The following MSMB variants were observed in gnomAD, a reference collection of about 807,000 sequenced individuals.
MSMB encodes the protein beta-microseminoprotein.
MSMB carries 10 observed loss-of-function variants against 10.5 expected under a neutral mutation model. That is an observed-to-expected ratio of 0.95 (90% CI 0.59 to 1.62). The LOEUF is 1.62. Ranked by LOEUF, MSMB falls within the 40% of genes most tolerant of loss-of-function variation. The probability of loss-of-function intolerance (pLI) is 0.00; values close to 1 mark genes in which losing one functional copy is unlikely to be tolerated. For synonymous variants in MSMB, 43 were observed against 46.5 expected (o/e 0.93, Z 0.30); for missense variants, 126 against 137.4 (o/e 0.92, Z 0.42).
chr10:46,038,347 G>C (rs1238205935), intron 3 of MSMB, among the ~76,000 whole-genome samples: 1 of 151,776 alleles, frequency 6.6e-6, no homozygotes, highest in Non-Finnish European at 1.5e-5. Context: ...GAGTGCAGTG[G>C]TGCGATCTCG....
chr10:46,044,436 C>T (rs1554929114), intron 1 of MSMB, among the ~76,000 whole-genome samples: 1 of 147,172 alleles, frequency 6.8e-6, no homozygotes, highest in Non-Finnish European at 1.5e-5. Context: ...ATTAGCTGGG[C>T]GTGGTGGCGG....
At chr10:46,041,260 A>G (rs1840744003) in intron 1 of MSMB, among the ~76,000 whole-genome samples, 1 of 149,614 alleles carries the variant, frequency 6.7e-6, no homozygotes, top group African/African-American at 2.5e-5. Flanking sequence ...TGGGAGAATC[A>G]CTTGAGCCTG....
intron 1 of MSMB, among the ~76,000 whole-genome samples, chr10:46,043,739 A>G (rs1431516624): frequency 2.6e-5 from 4 of 152,048 alleles, no homozygotes; most frequent in African/African-American, 9.7e-5. Flanking sequence ...CAGTGATGCA[A>G]TCTTGGCTCA....
At chr10:46,033,671 G>C in intron 3 of MSMB, 120 bp from the exon 4 acceptor site, 1 of 1,453,806 alleles carries the variant, frequency 6.9e-7, no homozygotes. Context: ...CCTTTGGCTG[G>C]CAGCCCCAGA....
intron 3 of MSMB, among the ~76,000 whole-genome samples, chr10:46,038,292 A>ATT (rs782262580): frequency 3.5e-5 from 5 of 143,580 alleles, no homozygotes; most frequent in Admixed American, 7.0e-5. Flanking sequence ...TTTTACCGCA[A>ATT]TTTTTTTTTT....
At chr10:46,041,419 GA>G (rs1840750334) in intron 1 of MSMB, among the ~76,000 whole-genome samples, 1 of 151,996 alleles carries the variant, frequency 6.6e-6, no homozygotes, top group South Asian at 2.1e-4. Context: ...TTGACAATGG[GA>G]ATGAAGGCAT....
intron 3 of MSMB, among the ~76,000 whole-genome samples, chr10:46,033,950 CA>C (rs1238366361): frequency 6.6e-6 from 1 of 152,192 alleles, no homozygotes; most frequent in African/African-American, 2.4e-5. Context: ...CTCTCTCAAC[CA>C]ACCAGAGCAA....
intron 1 of MSMB, among the ~76,000 whole-genome samples, chr10:46,044,271 G>A (rs1554929064): frequency 6.6e-6 from 1 of 151,844 alleles, no homozygotes; most frequent in Non-Finnish European, 1.5e-5. Flanking sequence ...CAGGCTGGCA[G>A]TATCCTTAGA....
chr10:46,038,625 TA>T (rs782189368), intron 3 of MSMB, among the ~76,000 whole-genome samples: 48 of 152,168 alleles, frequency 3.2e-4, no homozygotes, highest in East Asian at 1.5e-3. Flanking sequence ...GACTGAAAAC[TA>T]ACCCCCCAAT....
At chr10:46,040,245 G>T (rs967326464) in intron 1 of MSMB, among the ~76,000 whole-genome samples, 154 bp from the exon 2 acceptor site, 1 of 152,200 alleles carries the variant, frequency 6.6e-6, no homozygotes, top group African/African-American at 2.4e-5. Context: ...GGCTGAAATT[G>T]TAGAACAAGG....
At chr10:46,034,831 A>C (rs1476358900) in intron 3 of MSMB, among the ~76,000 whole-genome samples, 2 of 151,652 alleles carry the variant, frequency 1.3e-5, no homozygotes, top group African/African-American at 2.4e-5. Context: ...TCTCAAAAAA[A>C]AAAAAAAGAA....
intron 3 of MSMB, among the ~76,000 whole-genome samples, chr10:46,034,824 C>CA (rs782032418): frequency 1.3e-3 from 135 of 107,308 alleles, no homozygotes; most frequent in Middle Eastern, 6.0e-3. Context: ...GATTCCATCT[C>CA]AAAAAAAAAA....
At chr10:46,036,579 C>T (rs1260395358) in intron 3 of MSMB, among the ~76,000 whole-genome samples, 3 of 152,196 alleles carry the variant, frequency 2.0e-5, no homozygotes, top group African/African-American at 7.2e-5. Flanking sequence ...ATCATAGCCA[C>T]ATAATTATAA....
chr10:46,034,350 G>A (rs1485954977), intron 3 of MSMB, among the ~76,000 whole-genome samples: 10 of 151,374 alleles, frequency 6.6e-5, no homozygotes, highest in East Asian at 2.0e-4. Flanking sequence ...GGCAGGTCTC[G>A]AACTCCTGAC....
intron 3 of MSMB, among the ~76,000 whole-genome samples, chr10:46,034,929 A>T (rs1299381256): frequency 1.3e-5 from 2 of 152,072 alleles, no homozygotes; most frequent in Non-Finnish European, 2.9e-5. Flanking sequence ...GCTTGATCCC[A>T]GGAGTTTGAG....
chr10:46,038,271 C>T (rs1427744006), intron 3 of MSMB, among the ~76,000 whole-genome samples: 1 of 151,836 alleles, frequency 6.6e-6, no homozygotes, highest in Non-Finnish European at 1.5e-5. Flanking sequence ...GTACATTTTA[C>T]GTTACGTATA....
chr10:46,034,148 T>C (rs1554927219), intron 3 of MSMB, among the ~76,000 whole-genome samples: 1 of 152,194 alleles, frequency 6.6e-6, no homozygotes, highest in African/African-American at 2.4e-5. Context: ...AATTTCACTC[T>C]GTCACCCAGG....
chr10:46,034,718 A>T (rs1554927326), intron 3 of MSMB, among the ~76,000 whole-genome samples: 1 of 151,682 alleles, frequency 6.6e-6, no homozygotes, highest in East Asian at 2.0e-4. Flanking sequence ...CCAGCTACTC[A>T]GGAGGCTGAG....
intron 3 of MSMB, 33 bp downstream of exon 3, chr10:46,038,933 C>T: frequency 1.3e-6 from 2 of 1,569,002 alleles, no homozygotes; most frequent in Non-Finnish European, 1.8e-6. Context: ...ACAGCTATGT[C>T]CCCCTCTTGG....
Sources: allele counts gnomAD v4.1 joint callset (sites outside exome capture counted in the v4.1 genomes callset), GRCh38; gene constraint gnomAD v4.1.1; transcripts MANE v1.5; gene names NCBI Gene and HGNC (gene_info 2026-07-23, HGNC 2026-07-21).